TRNT1: variants seen among roughly 807,000 people sequenced by gnomAD.
TRNT1 encodes the protein CCA tRNA nucleotidyltransferase 1, mitochondrial.
TRNT1 carries 44 observed loss-of-function variants against 45.6 expected under a neutral mutation model. The ratio of observed to expected loss-of-function variants is 0.97; its 90% CI spans 0.76 to 1.24. The LOEUF is 1.24. TRNT1 is among the 50% of genes most tolerant of loss of function. The pLI, the probability that TRNT1 is intolerant of heterozygous loss-of-function variation, is 0.00. For synonymous variants in TRNT1, 201 were observed against 171.4 expected (o/e 1.17, Z -1.35); for missense variants, 633 against 504.4 (o/e 1.25, Z -2.44).
intron 3 of TRNT1, among the ~76,000 whole-genome samples, chr3:3,138,991 GAGA>G (rs1705485759): frequency 6.6e-6 from 1 of 152,168 alleles, no homozygotes; most frequent in Non-Finnish European, 1.5e-5. Flanking sequence ...GGAGAAATCA[GAGA>G]AGAATACTCC....
At chr3:3,152,502 A>G (rs1706641683), downstream of TRNT1, 1 of 1,614,108 alleles carries the variant, frequency 6.2e-7, no homozygotes, top group Non-Finnish European at 8.5e-7. Flanking sequence ...ATCAGATTCA[A>G]GTTGCAAGCC....
At position 3,147,439 on chromosome 3, in the gene TRNT1, TG is replaced by T; in HGVS notation, c.803-10del. On this transcript the variant is annotated splice_polypyrimidine_tract_variant and intron_variant, in intron 6 of 7. Transcript: ENST00000251607. ...ACTAAAAACAGGTGAAAAATGCTTTTGTCCCTACAGGTTTACCTGCTAATGC... is the reference window on the plus strand; with the variant it reads ...ACTAAAAACAGGTGAAAAATGCTTTTTCCCTACAGGTTTACCTGCTAATGC... 6.2e-7 allele frequency: 1 copy of T among 1,610,370 alleles called. No individual in the cohort carries two copies. The highest frequency in any genetic ancestry group is 1.1e-5 in the South Asian group (1 of 90,822).
downstream of TRNT1, chr3:3,149,896 G>A (rs1274055113): frequency 1.3e-5 from 2 of 152,112 alleles, no homozygotes; most frequent in East Asian, 1.9e-4. Flanking sequence ...TACAAATGTG[G>A]AAGGAAGGAC....
chr3:3,129,214 G>C (rs1187387808), intron 2 of TRNT1, 26 bp downstream of exon 2: 1 of 1,608,312 alleles, frequency 6.2e-7, no homozygotes, highest in Middle Eastern at 1.7e-4. Flanking sequence ...ACCTTTTCTT[G>C]ATTGGAAACC....
chr3:3,127,651 C>T (rs984536497), intron 1 of TRNT1: 3 of 152,250 alleles, frequency 2.0e-5, no homozygotes, highest in Non-Finnish European at 4.4e-5. Flanking sequence ...TAGGAGCTAT[C>T]CCAGGGTCGT....
At chr3:3,129,930 T>G in intron 2 of TRNT1, 1 of 1,550,624 alleles carries the variant, frequency 6.4e-7, no homozygotes, top group Non-Finnish European at 8.7e-7. Flanking sequence ...TATAAATGCT[T>G]TCCATGAGAA....
At chr3:3,140,073 A>G (rs1381654071) in intron 3 of TRNT1, among the ~76,000 whole-genome samples, 5 of 152,202 alleles carry the variant, frequency 3.3e-5, no homozygotes, top group Non-Finnish European at 4.4e-5. Context: ...GAGTTGCAAG[A>G]TCTGTTAACT....
chr3:3,135,435 T>C (rs1705831), intron 2 of TRNT1, among the ~76,000 whole-genome samples: 139,982 of 152,174 alleles, frequency 0.92, 65,511 homozygotes, highest in East Asian at 1. Flanking sequence ...TAAATCCCTA[T>C]GTCTAGATGG....
At chr3:3,133,029 AACAC>A (rs897273062) in intron 2 of TRNT1, among the ~76,000 whole-genome samples, 1 of 152,174 alleles carries the variant, frequency 6.6e-6, no homozygotes, top group Non-Finnish European at 1.5e-5. Flanking sequence ...AATGTACAAA[AACAC>A]ACAGCCTTTC....
intron 2 of TRNT1, chr3:3,136,663 T>C (rs1298601481): frequency 2.5e-5 from 11 of 434,256 alleles, no homozygotes; most frequent in South Asian, 1.8e-4. Context: ...TTTTTCTTTT[T>C]TTTTTTTTTG....
chr3:3,146,388 G>A, intron 5 of TRNT1, 42 bp from the exon 6 acceptor site: 1 of 1,490,220 alleles, frequency 6.7e-7, no homozygotes, highest in African/African-American at 1.4e-5. Context: ...CTTGTGATAT[G>A]CCAATATAGA....
chr3:3,152,357 T>A, downstream of TRNT1: 1 of 1,297,588 alleles, frequency 7.7e-7, no homozygotes, highest in Non-Finnish European at 1.1e-6. Flanking sequence ...GTCTACTTTT[T>A]ATTATAAAGA....
downstream of TRNT1, chr3:3,149,855 C>CAAAGGACT (rs1230419737): frequency 1.3e-5 from 2 of 152,038 alleles, no homozygotes; most frequent in East Asian, 1.9e-4. Context: ...TTTAAAGTAG[C>CAAAGGACT]AAAGGACTAC....
chr3:3,147,705 T>C lies in TRNT1; in HGVS notation c.1056+2T>C. The C allele has an allele frequency of 6.2e-7, 1 of 1,607,932 alleles. No homozygotes were observed. Among genetic ancestry groups the C allele is most frequent in the Non-Finnish European group, 8.5e-7 (1 of 1,176,954 alleles). On this transcript the variant is annotated splice_donor_variant, in intron 7 of 7. Transcript: ENST00000251607. LOFTEE classifies it high-confidence loss of function. ...CCCTATCAAGACTTCATTATAGATGTAAGTATATACTAGGCTTGGTCAGAA... is the reference window on the plus strand; with the variant it reads ...CCCTATCAAGACTTCATTATAGATGCAAGTATATACTAGGCTTGGTCAGAA...
chr3:3,142,356 A>AC lies in TRNT1; in HGVS notation c.481+1711dup, dbSNP rs888081296. ...ATTATGTAAATTTAATCTCCTGACA[A>AC]CCCTGCGAAGCAGATACTGCTATTT... On this transcript the variant is annotated intron_variant, in intron 4 of 7. Transcript: ENST00000251607. Among the ~76,000 whole-genome samples, 6 of 152,202 alleles carry AC rather than the reference A, an allele frequency of 3.9e-5. 1 individual carries two copies. Among genetic ancestry groups the AC allele is most frequent in the Admixed American group, 3.3e-4 (5 of 15,278 alleles).
chr3:3,151,304 A>C (rs711626), downstream of TRNT1, among the ~76,000 whole-genome samples: 3 of 152,278 alleles, frequency 2.0e-5, no homozygotes, highest in East Asian at 1.9e-4. Context: ...AGTAATCTTA[A>C]GAATTTCTTT....
chr3:3,152,192 C>T (rs1434909345), downstream of TRNT1, among the ~76,000 whole-genome samples: 1 of 150,570 alleles, frequency 6.6e-6, no homozygotes, highest in Non-Finnish European at 1.5e-5. Flanking sequence ...ACTCTGTCAC[C>T]CAGGCTGGAC....
At chr3:3,135,306 G>A (rs1016435205) in intron 2 of TRNT1, among the ~76,000 whole-genome samples, 2 of 152,156 alleles carry the variant, frequency 1.3e-5, no homozygotes, top group African/African-American at 4.8e-5. Flanking sequence ...GCAGAGTTTA[G>A]CAAGAGATGA....
At chr3:3,145,689 C>CTATAACAGAACATGGA (rs1174619218) in intron 5 of TRNT1, 6 of 152,152 alleles carry the variant, frequency 3.9e-5, no homozygotes, top group Middle Eastern at 6.8e-3. Context: ...TCAGAATATT[C>CTATAACAGAACATGGA]TATAACAGAA....
Sources: gnomAD v4.1 joint callset for allele counts (sites outside exome capture counted in the v4.1 genomes callset) on GRCh38, gnomAD v4.1.1 for gene constraint, MANE v1.5 for transcripts, NCBI Gene and HGNC (gene_info 2026-07-23, HGNC 2026-07-21) for gene names.